Variants in BRPF1 observed in about 807,000 individuals in gnomAD.
BRPF1 encodes peregrin.
Under a neutral mutation model 115.0 loss-of-function variants are expected in BRPF1, and 15 were observed. That is an observed-to-expected ratio of 0.13 (90% CI 0.09 to 0.20). The LOEUF (loss-of-function observed/expected upper bound fraction) is 0.20, where lower values mean the gene tolerates loss of function less well. Among genes scored for constraint, BRPF1 ranks in the 10% least tolerant of loss-of-function variants. The probability of loss-of-function intolerance (pLI) is 1.00; values close to 1 mark genes in which losing one functional copy is unlikely to be tolerated. For synonymous variants in BRPF1, 647 were observed against 619.8 expected (o/e 1.04, Z -0.65); for missense variants, 1,118 against 1,638.3 (o/e 0.68, Z 5.48).
chr3:9,746,681 A>G (rs2077132186), intron 13 of BRPF1, among the ~76,000 whole-genome samples: 1 of 152,192 alleles, frequency 6.6e-6, no homozygotes, highest in African/African-American at 2.4e-5. Context: ...AAGGACCATC[A>G]GAGACTTATG....
chr3:9,741,935 G>A (rs1010436092), intron 5 of BRPF1, 90 bp from the exon 6 acceptor site: 10 of 1,480,442 alleles, frequency 6.8e-6, no homozygotes, highest in Admixed American at 2.0e-5. Flanking sequence ...GAAAGAAGGC[G>A]GGTTCCCAGG....
intron 1 of BRPF1, chr3:9,732,779 C>T (rs2076876623): frequency 6.6e-6 from 1 of 152,262 alleles, no homozygotes; most frequent in South Asian, 2.1e-4. Flanking sequence ...GCCCACTTGC[C>T]TGGTTAAGGC....
chr3:9,733,410 T>C (rs936258979), intron 1 of BRPF1: 1 of 152,234 alleles, frequency 6.6e-6, no homozygotes, highest in African/African-American at 2.4e-5. Context: ...GTCCAGTGCA[T>C]GCTAGGTACT....
intron 6 of BRPF1, chr3:9,742,572 T>G (rs1249816941): frequency 2.0e-6 from 2 of 982,602 alleles, no homozygotes; most frequent in Admixed American, 6.2e-5. Flanking sequence ...GGCAGCAGCC[T>G]CCTTATAAGT....
rs1403317361 is a variant in BRPF1, at chr3:9,746,473, G to T, written c.3479+19G>T. 7 of 1,547,594 alleles carry T rather than the reference G, an allele frequency of 4.5e-6. No homozygotes were observed. The highest frequency in any genetic ancestry group is 6.1e-6 in the Non-Finnish European group (7 of 1,138,802). ...GAACCTGGTAAGGAGGGGAGCATTT[G>T]GTGTGACTCACAGCCACAGATGCAG... is the stretch of plus-strand genomic sequence containing the variant. On this transcript the variant is annotated intron_variant, in intron 13 of 13. Coordinates refer to ENST00000383829, the MANE Select transcript of BRPF1 (RefSeq NM_001003694.2).
At position 9,747,055 on chromosome 3, in the gene BRPF1, CAG is replaced by C. The variant is rs1446153813; in HGVS notation, c.3480-108_3480-107del. The C allele has an allele frequency of 1.7e-6, 2 of 1,199,224 alleles. No homozygotes were observed. The highest frequency in any genetic ancestry group is 2.4e-6 in the Non-Finnish European group (2 of 824,300). The allele number at this position is 1,199,224 out of a possible 1,614,324, so 74.3% of individuals were successfully genotyped here. ...AGTCCTTTGAGGGCAGGGACCATCA[CAG>C]AGTCTGGCCAGAGTGGGTGCTTGGG... is the stretch of plus-strand genomic sequence containing the variant. On this transcript the variant is annotated intron_variant, in intron 13 of 13. Coordinates refer to ENST00000383829, the MANE Select transcript of BRPF1 (RefSeq NM_001003694.2). The surrounding 1 kb of genome is among the most constrained non-coding windows in gnomAD (Gnocchi z 5.6).
In BRPF1 at chr3:9,744,509, G is replaced by A. The variant is rs191236303; in HGVS notation, c.2920+1G>A. 1 of 1,512,120 alleles carries A rather than the reference G, an allele frequency of 6.6e-7. No homozygotes were observed. Among genetic ancestry groups the A allele is most frequent in the Admixed American group, 2.3e-5 (1 of 43,880 alleles). 93.7% of individuals were successfully genotyped at this position (1,512,120 alleles called of 1,614,324 possible). ...AAGTCCACAGAAGACCCCCCAATGG[G>A]TGAGCCTTACCATCACCCAGCCCCC... is the stretch of plus-strand genomic sequence containing the variant. On this transcript the variant is annotated splice_donor_variant, in intron 9 of 13. Transcript: ENST00000383829. LOFTEE classifies it high-confidence loss of function.
Position 9,734,888 on chromosome 3 carries a change from C to T in BRPF1, c.599+149C>T, listed in dbSNP as rs971490203. On this transcript the variant is annotated intron_variant, in intron 2 of 13. Transcript: ENST00000383829. The surrounding 1 kb of genome is among the most constrained non-coding windows in gnomAD (Gnocchi z 5.7). ...TGCCAGGGCAGTGAGTGGAATGGTA[C>T]GCCACTAATGCACTTACTCTACAGT... is the stretch of plus-strand genomic sequence containing the variant. 2.8e-5 allele frequency: 26 copies of T among 912,914 alleles called. No homozygotes were observed. Among genetic ancestry groups the T allele is most frequent in the East Asian group, 2.3e-4 (9 of 39,036 alleles). The allele number at this position is 912,914 out of a possible 1,614,324, so 56.6% of individuals were successfully genotyped here.
rs1337408318 is a variant in BRPF1, at chr3:9,743,049, T to C, written c.2107T>C (p.Phe703Leu). ...YLNFDDFEEDFNLIVSNCLKY... is the reference protein window; with the variant it reads ...YLNFDDFEEDLNLIVSNCLKY... ...GAATTTTGATGATTTTGAGGAGGACTTCAACCTCATCGTCAGCAACTGCCT... is the reference window on the plus strand; with the variant it reads ...GAATTTTGATGATTTTGAGGAGGACCTCAACCTCATCGTCAGCAACTGCCT... The change falls in exon 7 of 14, where the codon TTC becomes CTC. Residue 703 changes from phenylalanine to leucine, a missense_variant. By Grantham distance (22) the Phe-to-Leu change is conservative. Transcript: ENST00000383829. This position sits in a 1 kb window ranked among gnomAD's most constrained non-coding sequence, Gnocchi z 6.1. 1 of 1,614,236 alleles carries C rather than the reference T, an allele frequency of 6.2e-7. No individual in the cohort carries two copies. The highest frequency in any genetic ancestry group is 1.1e-5 in the South Asian group (1 of 91,084).
intron 2 of BRPF1, among the ~76,000 whole-genome samples, chr3:9,736,195 A>G (rs2076938781): frequency 6.6e-6 from 1 of 151,962 alleles, no homozygotes; most frequent in Non-Finnish European, 1.5e-5. Context: ...TTTAGTAGAG[A>G]TGGGGTTTCA....
intron 2 of BRPF1, among the ~76,000 whole-genome samples, chr3:9,737,371 A>G (rs538580068): frequency 2.8e-4 from 43 of 152,370 alleles, no homozygotes; most frequent in African/African-American, 1.0e-3. Context: ...TGCTTGCTGC[A>G]CACCAGGCAC....
Position 9,747,366 on chromosome 3 carries a change from C to G in BRPF1, c.*17C>G. On this transcript the variant is annotated 3_prime_UTR_variant, in exon 14 of 14. Coordinates refer to ENST00000383829, the MANE Select transcript of BRPF1 (RefSeq NM_001003694.2). The surrounding 1 kb of genome is among the most constrained non-coding windows in gnomAD (Gnocchi z 5.6). ...AGTGATTGATACTGCTCAACACAGC[C>G]CAACCTATAGTGCCCTGTGACTTCT... 6.2e-7 allele frequency: 1 copy of G among 1,610,302 alleles called. No individual in the cohort carries two copies.
chr3:9,737,893 A>G (rs900602857), intron 2 of BRPF1, among the ~76,000 whole-genome samples: 8 of 152,206 alleles, frequency 5.3e-5, no homozygotes, highest in Non-Finnish European at 8.8e-5. Context: ...ATAATTCCAT[A>G]TAACCCTGAC....
chr3:9,740,983 AG>A, intron 4 of BRPF1, 42 bp downstream of exon 4: 1 of 1,575,902 alleles, frequency 6.3e-7, no homozygotes. Flanking sequence ...AACTAGCGCC[AG>A]GGGGACGAAA....
At position 9,739,155 on chromosome 3, in the gene BRPF1, G is replaced by A; in HGVS notation, c.756G>A (p.Leu252=). The part of the protein sequence containing the change: ...QEIFEYLMDR[L]EKESYFESHN... Reference sequence around the variant, plus strand: ...TCTTTGAGTACCTAATGGACCGACTGGAGAAGGAGTCGTACTTTGAGAGTC... The same window carrying A: ...TCTTTGAGTACCTAATGGACCGACTAGAGAAGGAGTCGTACTTTGAGAGTC... The change falls in exon 3 of 14, where the codon CTG becomes CTA. Residue 252 remains leucine (L), a synonymous_variant. Coordinates refer to ENST00000383829, the MANE Select transcript of BRPF1 (RefSeq NM_001003694.2). 4 of 1,614,054 alleles carry A rather than the reference G, an allele frequency of 2.5e-6. No homozygotes were observed. The highest frequency in any genetic ancestry group is 1.7e-6 in the Non-Finnish European group (2 of 1,179,948).
At position 9,739,580 on chromosome 3, in the gene BRPF1, CAG is replaced by C. The variant is rs1575155995; in HGVS notation, c.1182_1183del (p.Ala396LeufsTer69). On this transcript the variant is annotated frameshift_variant, in exon 3 of 14. Coordinates refer to ENST00000383829, the MANE Select transcript of BRPF1 (RefSeq NM_001003694.2). LOFTEE classifies it high-confidence loss of function. ...TGCTACATTTGCAAACAACGGGGCTCAGGGGCCTGCATCCAGTGCCACAAGGC... is the reference window on the plus strand; with the variant it reads ...TGCTACATTTGCAAACAACGGGGCTCGGGCCTGCATCCAGTGCCACAAGGC... 6.2e-7 allele frequency: 1 copy of C among 1,612,510 alleles called. No homozygotes were observed. Among genetic ancestry groups the C allele is most frequent in the Non-Finnish European group, 8.5e-7 (1 of 1,178,700 alleles).
Position 9,739,406 on chromosome 3 carries a change from A to G in BRPF1, c.1007A>G (p.Lys336Arg). 6.2e-7 allele frequency: 1 copy of G among 1,614,226 alleles called. No individual in the cohort carries two copies. The stretch of plus-strand genomic sequence containing the variant: ...GTGGATTGTGCCCTGTGCCCCAACA[A>G]GGGCGGTGCCTTCAAGCAGACAGAT... Reference protein sequence around the residue: ...RAVDCALCPNKGGAFKQTDDG... With the variant: ...RAVDCALCPNRGGAFKQTDDG... Residue 336 changes from lysine to arginine, a missense_variant, in exon 3 of 14, where the codon AAG (lysine) becomes AGG (arginine). Physicochemically the swap from Lys to Arg is conservative, Grantham distance 26. Around this residue, in one of 10 missense-constraint regions of BRPF1, gnomAD observed 64 missense variants for 172.8 expected, o/e 0.37. Transcript: ENST00000383829.
Position 9,745,183 on chromosome 3 carries a change from C to T in BRPF1, c.3068+28C>T. ...ACCAGCCCTCCAGATCGAGGCCAAC[C>T]TCAGGGGATGCCCTTCCAGGGCTCT... On this transcript the variant is annotated intron_variant, in intron 10 of 13. Coordinates refer to ENST00000383829, the MANE Select transcript of BRPF1 (RefSeq NM_001003694.2). This position sits in a 1 kb window ranked among gnomAD's most constrained non-coding sequence, Gnocchi z 5.1. 6.2e-7 allele frequency: 1 copy of T among 1,607,744 alleles called. No homozygotes were observed. Among genetic ancestry groups the T allele is most frequent in the Non-Finnish European group, 8.5e-7 (1 of 1,177,508 alleles).
In BRPF1 at chr3:9,744,911, G is replaced by A. The variant is rs574926805; in HGVS notation, c.2921-97G>A. On this transcript the variant is annotated intron_variant, in intron 9 of 13. Transcript: ENST00000383829. ...GTTGGAGGAATTTTCCAGCACAGAA[G>A]GGGAACCCAAGCTCCAAGTCCCTCT... 4.5e-6 allele frequency: 7 copies of A among 1,545,846 alleles called. No homozygotes were observed. In the East Asian group the frequency reaches 1.1e-4, roughly 25 times the overall value.
Sources: allele counts gnomAD v4.1 joint callset (sites outside exome capture counted in the v4.1 genomes callset), GRCh38; gene constraint gnomAD v4.1.1; regional missense constraint gnomAD v4.1.1; non-coding constraint Gnocchi (gnomAD v3.1); transcripts MANE v1.5; gene names NCBI Gene and HGNC (gene_info 2026-07-23, HGNC 2026-07-21).